Variants in HMGXB3 observed in about 807,000 individuals in gnomAD.
HMGXB3 encodes the protein HMG-box containing 3, also known as HMG domain-containing protein 3.
HMGXB3 carries 45 observed loss-of-function variants against 121.5 expected under a neutral mutation model. The ratio of observed to expected loss-of-function variants is 0.37; its 90% CI spans 0.29 to 0.47. The LOEUF (loss-of-function observed/expected upper bound fraction) is 0.47. Among genes scored for constraint, HMGXB3 ranks in the 20% least tolerant of loss-of-function variants. HMGXB3 has a pLI of 0.99. For synonymous variants in HMGXB3, 590 were observed against 624.1 expected (o/e 0.95, Z 0.81); for missense variants, 1,376 against 1,602.2 (o/e 0.86, Z 2.41).
chr5:150,012,382 C>G, intron 5 of HMGXB3, 29 bp downstream of exon 5: 1 of 1,428,388 alleles, frequency 7.0e-7, no homozygotes, highest in Non-Finnish European at 9.7e-7. Context: ...GGATTGATGG[C>G]AATTAGGGTG....
At chr5:150,013,674 C>G (rs1755895321) in intron 5 of HMGXB3, among the ~76,000 whole-genome samples, 1 of 152,130 alleles carries the variant, frequency 6.6e-6, no homozygotes, top group South Asian at 2.1e-4. Context: ...TAACTGCAAG[C>G]CCAATTTTAA....
intron 1 of HMGXB3, among the ~76,000 whole-genome samples, chr5:150,003,272 C>A (rs1380353518): frequency 6.6e-6 from 1 of 152,198 alleles, no homozygotes; most frequent in South Asian, 2.1e-4. Flanking sequence ...ACATTTCCAT[C>A]ATCAGAGTTT....
intron 3 of HMGXB3, among the ~76,000 whole-genome samples, chr5:150,008,099 A>AC (rs1755750641): frequency 3.4e-5 from 5 of 149,048 alleles, no homozygotes; most frequent in African/African-American, 1.2e-4. Context: ...ACACACACAC[A>AC]AATCAGCAAT....
Position 150,051,761 on chromosome 5 carries a change from A to G in HMGXB3, c.3448A>G (p.Thr1150Ala). ...CCCAGAGCTCTTGGACCAGCATTAT[A>G]CTGTGGACATGACAGAAACTGAGCA... ...SCPELLDQHY[T>A]VDMTETEHSI... The change falls in exon 20 of 20, where the codon ACT (threonine) becomes GCT (alanine). Residue 1150 changes from threonine to alanine, a missense_variant. Physicochemically the swap from Thr to Ala is moderately conservative, Grantham distance 58. Transcript: ENST00000502717. 1 of 1,541,710 alleles carries G rather than the reference A, an allele frequency of 6.5e-7. No individual in the cohort carries two copies.
At chr5:150,020,746 C>CTTTTT (rs34111560) in intron 6 of HMGXB3, among the ~76,000 whole-genome samples, 39 of 135,260 alleles carry the variant, frequency 2.9e-4, no homozygotes, top group African/African-American at 9.0e-4. Context: ...ACTGAAACAG[C>CTTTTT]TTTTTTTTTT....
chr5:150,048,044 C>T (rs1229612726), intron 17 of HMGXB3, among the ~76,000 whole-genome samples: 1 of 152,192 alleles, frequency 6.6e-6, no homozygotes, highest in Non-Finnish European at 1.5e-5. Flanking sequence ...ATATTTTGAG[C>T]TTCATTTTCC....
intron 16 of HMGXB3, among the ~76,000 whole-genome samples, chr5:150,046,587 C>T (rs958360518): frequency 8.6e-5 from 13 of 151,998 alleles, no homozygotes; most frequent in Non-Finnish European, 1.3e-4. Flanking sequence ...CCCAGGCGGG[C>T]GGATCACGAG....
At position 150,033,019 on chromosome 5, in the gene HMGXB3, C is replaced by G. The variant is rs1257282141; in HGVS notation, c.1983+416C>G. 2.0e-5 allele frequency among the ~76,000 whole-genome samples: 3 copies of G among 152,200 alleles called. No homozygotes were observed. In the East Asian group the frequency reaches 5.8e-4, roughly 29 times the overall value. On this transcript the variant is annotated intron_variant, in intron 11 of 19. Coordinates refer to ENST00000502717, the MANE Select transcript of HMGXB3 (RefSeq NM_014983.3). ...ATTAGACCACCGCTGCTTTCTCAGG[C>G]TCCTTGGAAAGCTTTTAGTTAATCA...
At chr5:150,034,512 C>T (rs13353830) in intron 11 of HMGXB3, among the ~76,000 whole-genome samples, 8,611 of 152,098 alleles carry the variant, frequency 0.057, 805 homozygotes, top group African/African-American at 0.19. Flanking sequence ...AGGAACTTAA[C>T]TTCTCAGGTG....
At chr5:150,034,017 A>T (rs1756441868) in intron 11 of HMGXB3, among the ~76,000 whole-genome samples, 1 of 152,164 alleles carries the variant, frequency 6.6e-6, no homozygotes, top group South Asian at 2.1e-4. Flanking sequence ...TTGGTAAAGT[A>T]AGGTGGGCAA....
At chr5:150,042,109 A>G (rs1400065073) in intron 15 of HMGXB3, 140 bp downstream of exon 15, 2 of 595,600 alleles carry the variant, frequency 3.4e-6, no homozygotes, top group Non-Finnish European at 5.8e-6. Flanking sequence ...CCACAGCCCA[A>G]GATTTCATTT....
chr5:150,005,086 T>A (rs570085720), intron 2 of HMGXB3, 97 bp downstream of exon 2: 3 of 1,434,002 alleles, frequency 2.1e-6, no homozygotes, highest in Non-Finnish European at 2.8e-6. Context: ...TGAAAAAGAG[T>A]GTTATGATTG....
intron 9 of HMGXB3, among the ~76,000 whole-genome samples, chr5:150,028,769 C>T (rs1708621832): frequency 6.6e-6 from 1 of 151,350 alleles, no homozygotes; most frequent in South Asian, 2.1e-4. Flanking sequence ...GGGTCTCTTG[C>T]TATGTTGCCC....
intron 1 of HMGXB3, among the ~76,000 whole-genome samples, chr5:150,001,729 C>T (rs1755574473): frequency 6.6e-6 from 1 of 152,174 alleles, no homozygotes; most frequent in Admixed American, 6.5e-5. Flanking sequence ...AACTTGTACT[C>T]AGGCTTAGAA....
intron 15 of HMGXB3, among the ~76,000 whole-genome samples, chr5:150,044,151 G>A (rs1756700985): frequency 6.6e-6 from 1 of 152,222 alleles, no homozygotes; most frequent in Non-Finnish European, 1.5e-5. Flanking sequence ...TTTGTTTTGT[G>A]TGTGGAGAGT....
In HMGXB3 at chr5:150,030,833, C is replaced by T; in HGVS notation, c.1827C>T (p.Val609=). The change falls in exon 10 of 20, where the codon GTC becomes GTT. Residue 609 remains valine, a synonymous_variant. Coordinates refer to ENST00000502717, the MANE Select transcript of HMGXB3 (RefSeq NM_014983.3). ...CTCCATATAAGTACAGCTGCACTGT[C>T]ACATTGGTAAGTATGCAGCTAGGTG... ...MFPPYKYSCT[V]TLDLGLATSR... 1.2e-5 allele frequency: 19 copies of T among 1,550,272 alleles called. No homozygotes were observed. The highest frequency in any genetic ancestry group is 3.3e-4 in the Middle Eastern group (2 of 5,994).
rs754712515 is a variant in HMGXB3, at chr5:150,027,045, T to C, written c.1662T>C (p.Cys554=). The change falls in exon 9 of 20, where the codon TGT becomes TGC. Residue 554 remains cysteine (C), a synonymous_variant. Transcript: ENST00000502717. ...ATAAGACTCCCTCTGTGAGGACTTGTGGTCTGAAGCCAAGCACACTGAAGC... is the reference window on the plus strand; with the variant it reads ...ATAAGACTCCCTCTGTGAGGACTTGCGGTCTGAAGCCAAGCACACTGAAGC... ...LSDKTPSVRT[C]GLKPSTLKQL... The C allele has an allele frequency of 1.3e-6, 2 of 1,551,742 alleles. No homozygotes were observed. The highest frequency in any genetic ancestry group is 1.2e-5 in the South Asian group (1 of 84,064).
chr5:150,045,418 A>C (rs755289677), intron 15 of HMGXB3, 48 bp from the exon 16 acceptor site: 1 of 1,434,410 alleles, frequency 7.0e-7, no homozygotes, highest in Non-Finnish European at 9.6e-7. Flanking sequence ...TGTGTTGCTG[A>C]TGTTCTGTGA....
chr5:150,009,599 C>G (rs1002610991), intron 3 of HMGXB3, among the ~76,000 whole-genome samples: 2 of 152,196 alleles, frequency 1.3e-5, no homozygotes, highest in East Asian at 3.8e-4. Flanking sequence ...CCTTGAGTTT[C>G]ATCTTAGCCT....
Sources: allele counts gnomAD v4.1 joint callset (sites outside exome capture counted in the v4.1 genomes callset), GRCh38; gene constraint gnomAD v4.1.1; transcripts MANE v1.5; gene names NCBI Gene and HGNC (gene_info 2026-07-23, HGNC 2026-07-21).